WNK2: variants seen among roughly 807,000 people sequenced by gnomAD.
WNK2 encodes the protein serine/threonine-protein kinase WNK2.
A neutral mutation model predicts 192.1 loss-of-function variants in WNK2; 67 were observed. The observed-to-expected ratio is 0.35, with a 90% CI of 0.29 to 0.43. The LOEUF (loss-of-function observed/expected upper bound fraction) is 0.43. Among genes scored for constraint, WNK2 ranks in the 20% least tolerant of loss-of-function variants. The probability of loss-of-function intolerance (pLI) is 1.00; values close to 1 mark genes in which losing one functional copy is unlikely to be tolerated. For missense variants in WNK2, 2,698 were observed against 3,089.7 expected, an observed-to-expected ratio of 0.87 and a Z score of 3.01; for synonymous variants, 1,439 against 1,393.9, an observed-to-expected ratio of 1.03 and a Z score of -0.72.
intron 2 of WNK2, among the ~76,000 whole-genome samples, chr9:93,202,413 G>A (rs1832607190): frequency 1.3e-5 from 2 of 150,066 alleles, no homozygotes; most frequent in Admixed American, 6.6e-5. Flanking sequence ...CTGCCCCTCC[G>A]GCGCTTCCGT....
At chr9:93,269,718 G>A (rs1845752109) in intron 19 of WNK2, among the ~76,000 whole-genome samples, 1 of 152,202 alleles carries the variant, frequency 6.6e-6, no homozygotes, top group African/African-American at 2.4e-5. Flanking sequence ...AGGGGTGCAG[G>A]GGACACTGTG....
chr9:93,298,825 T>C (rs1380256839), intron 24 of WNK2, among the ~76,000 whole-genome samples: 1 of 152,180 alleles, frequency 6.6e-6, no homozygotes, highest in Non-Finnish European at 1.5e-5. Flanking sequence ...CCTGGGTGTG[T>C]CTTCTGTCAC....
chr9:93,314,319 A>C (rs778597575), intron 28 of WNK2, among the ~76,000 whole-genome samples: 7 of 151,874 alleles, frequency 4.6e-5, no homozygotes, highest in Non-Finnish European at 8.8e-5. Context: ...ATGGTGGTGC[A>C]TACCTATAGT....
At chr9:93,256,844 G>A (rs1564100259) in intron 10 of WNK2, 104 bp from the exon 11 acceptor site, 2 of 1,062,276 alleles carry the variant, frequency 1.9e-6, no homozygotes, top group Non-Finnish European at 2.7e-6. Context: ...GCATGTGCGT[G>A]TGCATGTGAG....
chr9:93,208,699 TC>T (rs1833865489), intron 2 of WNK2, among the ~76,000 whole-genome samples: 34 of 2,626 alleles, frequency 0.013, no homozygotes, highest in South Asian at 0.024. Flanking sequence ...GTTCTGTGTG[TC>T]TGCGTGTTCT....
chr9:93,268,905 C>T (rs1387845303), intron 19 of WNK2, 159 bp downstream of exon 19: 1 of 1,563,522 alleles, frequency 6.4e-7, no homozygotes, highest in Non-Finnish European at 8.7e-7. Flanking sequence ...GGCTGTGTTC[C>T]TATCCTTGTT....
intron 2 of WNK2, among the ~76,000 whole-genome samples, chr9:93,213,241 AG>A (rs1835111666): frequency 1.3e-5 from 2 of 152,314 alleles, no homozygotes; most frequent in East Asian, 3.9e-4. Flanking sequence ...TGAGGAGGGC[AG>A]GGTAGCAGGT....
chr9:93,275,255 GC>G (rs1846657764), intron 19 of WNK2, among the ~76,000 whole-genome samples: 1 of 152,136 alleles, frequency 6.6e-6, no homozygotes, highest in Non-Finnish European at 1.5e-5. Context: ...AATTGCACAT[GC>G]CTATAGTTGT....
intron 19 of WNK2, among the ~76,000 whole-genome samples, chr9:93,278,813 G>A (rs953151576): frequency 6.6e-6 from 1 of 152,172 alleles, no homozygotes; most frequent in Non-Finnish European, 1.5e-5. Flanking sequence ...TATAACTGTA[G>A]TTCATATGTT....
chr9:93,258,225 G>A (rs1843634324), intron 11 of WNK2, among the ~76,000 whole-genome samples: 1 of 152,218 alleles, frequency 6.6e-6, no homozygotes. Context: ...GTCAAAGATG[G>A]AAGTGCTATG....
intron 23 of WNK2, 67 bp from the exon 24 acceptor site, chr9:93,297,786 G>A: frequency 1.3e-6 from 2 of 1,489,292 alleles, no homozygotes; most frequent in Non-Finnish European, 1.8e-6. Context: ...CCTCCCTCCT[G>A]GAGGAGCTGG....
intron 20 of WNK2, 112 bp downstream of exon 20, chr9:93,289,732 G>A: frequency 8.7e-7 from 1 of 1,151,216 alleles, no homozygotes; most frequent in South Asian, 1.6e-5. Context: ...CTCACTCAGG[G>A]CCCGTCCCTC....
chr9:93,283,631 G>A (rs1848043119), intron 19 of WNK2, among the ~76,000 whole-genome samples: 1 of 152,212 alleles, frequency 6.6e-6, no homozygotes, highest in South Asian at 2.1e-4. Context: ...GCCTTCTCAT[G>A]TCTACCCTTC....
intron 19 of WNK2, among the ~76,000 whole-genome samples, chr9:93,274,515 CAAAAAAAAAAAAAAAA>C (rs67350876): frequency 0.053 from 6,324 of 118,490 alleles, 226 homozygotes; most frequent in East Asian, 0.17. Context: ...CCGTCTCAAC[CAAAAAAAAAAAAAAAA>C]AAAAAAAGAA....
chr9:93,200,666 T>C (rs1347583850), intron 2 of WNK2, among the ~76,000 whole-genome samples: 1 of 152,210 alleles, frequency 6.6e-6, no homozygotes, highest in African/African-American at 2.4e-5. Context: ...ATGGCCCTGC[T>C]GCTCTTGGTA....
intron 7 of WNK2, among the ~76,000 whole-genome samples, chr9:93,245,186 T>C (rs1287517055): frequency 6.6e-6 from 1 of 152,244 alleles, no homozygotes. Context: ...GAACCATTTA[T>C]TTTCCACGAA....
intron 2 of WNK2, among the ~76,000 whole-genome samples, chr9:93,193,324 C>T (rs933308749): frequency 3.3e-5 from 5 of 152,178 alleles, no homozygotes; most frequent in African/African-American, 9.7e-5. Flanking sequence ...GTGTTAGCTG[C>T]CCTTCATGGC....
chr9:93,240,518 G>A (rs922831519), intron 7 of WNK2, among the ~76,000 whole-genome samples: 40 of 152,168 alleles, frequency 2.6e-4, no homozygotes, highest in African/African-American at 9.2e-4. Context: ...GGAGTGGGTT[G>A]GGGCTGGCAG....
chr9:93,318,836 G>A (rs1855170537), intron 29 of WNK2: 1 of 1,400,918 alleles, frequency 7.1e-7, no homozygotes, highest in Non-Finnish European at 9.2e-7. Context: ...TGGTGGGAGG[G>A]GAAGGCCCCA....
Sources: allele counts gnomAD v4.1 joint callset (sites outside exome capture counted in the v4.1 genomes callset), GRCh38; gene constraint gnomAD v4.1.1; transcripts MANE v1.5; gene names NCBI Gene and HGNC (gene_info 2026-07-23, HGNC 2026-07-21).